DSCAM: variants seen among roughly 807,000 people sequenced by gnomAD.
DSCAM encodes the protein cell adhesion molecule DSCAM.
DSCAM carries 47 observed loss-of-function variants against 217.7 expected under a neutral mutation model. The observed-to-expected ratio is 0.22, with a 90% CI of 0.17 to 0.28. The LOEUF (loss-of-function observed/expected upper bound fraction) is 0.28, where lower values mean the gene tolerates loss of function less well. DSCAM is among the 10% of genes least tolerant of loss of function. The probability of loss-of-function intolerance (pLI) is 1.00; values close to 1 mark genes in which losing one functional copy is unlikely to be tolerated. For synonymous variants in DSCAM, 1,056 were observed against 1,015.3 expected, an observed-to-expected ratio of 1.04 and a Z score of -0.76; for missense variants, 2,080 against 2,618.3, an observed-to-expected ratio of 0.79 and a Z score of 4.49.
chr21:40,305,786 G>A (rs574447222), intron 9 of DSCAM, among the ~76,000 whole-genome samples: 4 of 152,176 alleles, frequency 2.6e-5, no homozygotes, highest in South Asian at 2.1e-4. Flanking sequence ...GCTCTGTTCT[G>A]TTCCATTGGT....
At chr21:40,413,263 C>A (rs1285074797) in intron 3 of DSCAM, among the ~76,000 whole-genome samples, 1 of 152,202 alleles carries the variant, frequency 6.6e-6, no homozygotes, top group Non-Finnish European at 1.5e-5. Context: ...GGGCCACTGT[C>A]CTCCAGACCC....
chr21:40,061,258 A>C (rs1267039418), intron 28 of DSCAM, among the ~76,000 whole-genome samples: 1 of 152,112 alleles, frequency 6.6e-6, no homozygotes, highest in Non-Finnish European at 1.5e-5. Context: ...CATTCATCAG[A>C]TCAGTCACAA....
chr21:40,267,971 G>A (rs1352788542), intron 11 of DSCAM, among the ~76,000 whole-genome samples: 9 of 152,196 alleles, frequency 5.9e-5, no homozygotes, highest in South Asian at 2.1e-4. Context: ...ATAGGCATGC[G>A]TATATACACA....
intron 20 of DSCAM, among the ~76,000 whole-genome samples, chr21:40,098,598 A>G (rs937437289): frequency 1.3e-5 from 2 of 152,278 alleles, no homozygotes; most frequent in Admixed American, 1.3e-4. Flanking sequence ...TAGCTTTTCA[A>G]TAAACCTTAC....
At chr21:40,602,771 G>C (rs1425371779) in intron 3 of DSCAM, among the ~76,000 whole-genome samples, 2 of 151,968 alleles carry the variant, frequency 1.3e-5, no homozygotes, top group Non-Finnish European at 2.9e-5. Flanking sequence ...CATTTTTAAA[G>C]AACCAGATTT....
intron 3 of DSCAM, among the ~76,000 whole-genome samples, chr21:40,444,932 C>T (rs190890376): frequency 1.2e-4 from 18 of 152,314 alleles, no homozygotes; most frequent in African/African-American, 2.4e-4. Flanking sequence ...CACTGACCTA[C>T]GCTTGCCCTA....
rs373042306 is a variant in DSCAM at position 40,261,650 on chromosome 21, T to TACA, written c.2356+14446_2356+14447insTGT. ...ATAATAAACTTATTCTCTCTCTCTCTCTACACACACACACACACACACACA... is the reference window on the plus strand; with the variant it reads ...ATAATAAACTTATTCTCTCTCTCTCTACACTACACACACACACACACACACACA... On this transcript the variant is annotated intron_variant, in intron 11 of 32. Coordinates refer to ENST00000400454, the MANE Select transcript of DSCAM (RefSeq NM_001389.5). Among the ~76,000 whole-genome samples the TACA allele has an allele frequency of 4.4e-3, 494 of 112,700 alleles. 4 individuals are homozygous for TACA. The highest frequency in any genetic ancestry group is 0.012 in the African/African-American group (408 of 34,574). The allele number at this position is 112,700 out of a possible 152,430, so 73.9% of individuals were successfully genotyped here. A position where few individuals can be genotyped will look rare whatever the true frequency, so the allele number is the denominator to read the frequency against.
chr21:40,700,228 G>A (rs1460048389), intron 2 of DSCAM, among the ~76,000 whole-genome samples: 2 of 152,224 alleles, frequency 1.3e-5, no homozygotes, highest in Non-Finnish European at 2.9e-5. Flanking sequence ...CCTCCAGGAC[G>A]ATGTAGAATA....
chr21:40,506,014 C>A (rs2076207573), intron 3 of DSCAM, among the ~76,000 whole-genome samples: 1 of 152,202 alleles, frequency 6.6e-6, no homozygotes, highest in Admixed American at 6.5e-5. Flanking sequence ...TATAAAGTCA[C>A]TGCTGCAAAG....
chr21:40,601,120 A>C (rs2077058512), intron 3 of DSCAM, among the ~76,000 whole-genome samples: 1 of 152,196 alleles, frequency 6.6e-6, no homozygotes, highest in South Asian at 2.1e-4. Context: ...GTTGAGAAAA[A>C]CTGACATCGT....
chr21:40,198,462 G>T (rs2091037953), intron 11 of DSCAM, among the ~76,000 whole-genome samples: 1 of 152,144 alleles, frequency 6.6e-6, no homozygotes, highest in African/African-American at 2.4e-5. Flanking sequence ...CCAGGCCAGG[G>T]TGGGGACGTG....
chr21:40,338,435 ATG>A (rs1236558735), intron 7 of DSCAM, 59 bp from the exon 8 acceptor site: 29 of 1,523,392 alleles, frequency 1.9e-5, no homozygotes, highest in Non-Finnish European at 2.5e-5. Flanking sequence ...ATGTAGGGAA[ATG>A]GGTACACTTT....
At chr21:40,631,306 A>T (rs1471193890) in intron 3 of DSCAM, among the ~76,000 whole-genome samples, 45 of 152,182 alleles carry the variant, frequency 3.0e-4, no homozygotes, top group Admixed American at 2.9e-3. Context: ...CCGCTTGATA[A>T]TTGAGCCAGC....
chr21:40,575,329 C>A (rs542338811), intron 3 of DSCAM, among the ~76,000 whole-genome samples: 300 of 152,180 alleles, frequency 2.0e-3, no homozygotes, highest in African/African-American at 6.8e-3. Flanking sequence ...TGGACTCAGC[C>A]CACCTGCACC....
chr21:40,418,590 T>C (rs2075393882), intron 3 of DSCAM, among the ~76,000 whole-genome samples: 1 of 152,190 alleles, frequency 6.6e-6, no homozygotes, highest in Non-Finnish European at 1.5e-5. Flanking sequence ...AGGGCAAAAG[T>C]AAGATTGTTT....
At chr21:40,538,393 G>C (rs752779817) in intron 3 of DSCAM, among the ~76,000 whole-genome samples, 2 of 152,092 alleles carry the variant, frequency 1.3e-5, no homozygotes, top group Non-Finnish European at 2.9e-5. Flanking sequence ...ACCAAAATGC[G>C]CCACTCCCCC....
chr21:40,051,918 T>A, intron 30 of DSCAM, 40 bp downstream of exon 30: 2 of 1,574,328 alleles, frequency 1.3e-6, no homozygotes, highest in Non-Finnish European at 1.7e-6. Context: ...TTTTCAGCAT[T>A]GTTAACACCC....
At chr21:40,701,654 C>G (rs1452486253) in intron 2 of DSCAM, among the ~76,000 whole-genome samples, 6 of 149,796 alleles carry the variant, frequency 4.0e-5, no homozygotes, top group Non-Finnish European at 8.8e-5. Flanking sequence ...TTCTAATTTC[C>G]TTCTTCAAAT....
intron 3 of DSCAM, among the ~76,000 whole-genome samples, chr21:40,679,749 TAA>T (rs1049196926): frequency 2.0e-5 from 3 of 152,222 alleles, no homozygotes; most frequent in African/African-American, 7.2e-5. Flanking sequence ...AATAAATAAG[TAA>T]AGAGTTGTTT....
Sources: allele counts gnomAD v4.1 joint callset (sites outside exome capture counted in the v4.1 genomes callset), GRCh38; gene constraint gnomAD v4.1.1; transcripts MANE v1.5; gene names NCBI Gene and HGNC (gene_info 2026-07-23, HGNC 2026-07-21).